PCSK7: variants seen among roughly 807,000 people sequenced by gnomAD.
PCSK7 encodes the protein lymphoma proprotein convertase.
PCSK7 carries 38 observed loss-of-function variants against 73.3 expected under a neutral mutation model. The ratio of observed to expected loss-of-function variants is 0.52; its 90% CI spans 0.40 to 0.68. PCSK7 has a LOEUF of 0.68. Among genes scored for constraint, PCSK7 ranks in the 30% least tolerant of loss-of-function variants. The pLI, the probability that PCSK7 is intolerant of heterozygous loss-of-function variation, is 0.00. For missense variants in PCSK7, 692 were observed against 991.5 expected, an observed-to-expected ratio of 0.70 and a Z score of 4.06; for synonymous variants, 296 against 383.8, an observed-to-expected ratio of 0.77 and a Z score of 2.68.
At chr11:117,212,935 C>G (rs1340463236) in intron 12 of PCSK7, 1 of 152,208 alleles carries the variant, frequency 6.6e-6, no homozygotes, top group African/African-American at 2.4e-5. Context: ...AGGCTGGTCT[C>G]GAACTCATGA....
At chr11:117,223,363 G>A in intron 8 of PCSK7, 55 bp from the exon 9 acceptor site, 1 of 1,084,128 alleles carries the variant, frequency 9.2e-7, no homozygotes, top group Non-Finnish European at 1.4e-6. Flanking sequence ...CCTGTGGCAG[G>A]GGCTTGCTAA....
Position 117,223,190 on chromosome 11 carries a change from G to A in PCSK7, c.1155+18C>T, listed in dbSNP as rs2032273118. The A allele has an allele frequency of 6.8e-7, 1 of 1,480,694 alleles. No homozygotes were observed. Among genetic ancestry groups the A allele is most frequent in the Non-Finnish European group, 9.4e-7 (1 of 1,058,564 alleles). The allele number at this position is 1,480,694 out of a possible 1,614,324, so 91.7% of individuals were successfully genotyped here. On this transcript the variant is annotated intron_variant, in intron 9 of 16. Transcript: ENST00000320934. ...TGTGGGAAAGGGGCAGGCCGTGGAG[G>A]GCCCGGGAGGCACTCACAATGCTCC... is the stretch of plus-strand genomic sequence containing the variant.
chr11:117,224,814 A>G, intron 6 of PCSK7, 59 bp from the exon 7 acceptor site: 3 of 1,265,576 alleles, frequency 2.4e-6, no homozygotes. Flanking sequence ...CTACCCACCC[A>G]GCGCCTCCCA....
intron 3 of PCSK7, 28 bp downstream of exon 3, chr11:117,229,349 A>T (rs1191097654): frequency 1.5e-5 from 23 of 1,560,186 alleles, no homozygotes; most frequent in Non-Finnish European, 2.0e-5. Context: ...TACCCACCTG[A>T]AACTGCAAAC....
In PCSK7 at chr11:117,223,284, A is replaced by G; in HGVS notation, c.1079T>C (p.Met360Thr). 6.2e-7 allele frequency: 1 copy of G among 1,612,468 alleles called. No homozygotes were observed. Among genetic ancestry groups the G allele is most frequent in the South Asian group, 1.1e-5 (1 of 91,056 alleles). The change falls in exon 9 of 17, where the codon ATG (methionine) becomes ACG (threonine). Residue 360 changes from methionine to threonine, a missense_variant. By Grantham distance (81) the Met-to-Thr change is moderately conservative. Transcript: ENST00000320934. Reference sequence around the variant, plus strand: ...GGCACATTCTTCTGCATAGAAAGGCATGCGTCCCTCCTCATCCACAGCTCC... The same window carrying G: ...GGCACATTCTTCTGCATAGAAAGGCGTGCGTCCCTCCTCATCCACAGCTCC... Reference protein sequence around the residue: ...TIGAVDEEGRMPFYAEECASM... With the variant: ...TIGAVDEEGRTPFYAEECASM...
intron 12 of PCSK7, 154 bp from the exon 13 acceptor site, chr11:117,209,207 G>A (rs2134285232): frequency 1.8e-6 from 1 of 566,330 alleles, no homozygotes; most frequent in Non-Finnish European, 3.1e-6. Flanking sequence ...AAATGGAATG[G>A]AGCTGCTGCT....
rs2239010 is a variant in PCSK7 at position 117,218,290 on chromosome 11, G to C, written c.1534+176C>G. 81,480 of 367,158 alleles carry C rather than the reference G, an allele frequency of 0.22. 11,292 individuals carry two copies. The highest frequency in any genetic ancestry group is 0.42 in the African/African-American group (19,519 of 46,636). The allele number at this position is 367,158 out of a possible 1,614,324, so 22.7% of individuals were successfully genotyped here. A position where few individuals can be genotyped will look rare whatever the true frequency, so the allele number is the denominator to read the frequency against. On this transcript the variant is annotated intron_variant, in intron 12 of 16. Coordinates refer to ENST00000320934, the MANE Select transcript of PCSK7 (RefSeq NM_004716.4). This position sits in a 1 kb window ranked among gnomAD's most constrained non-coding sequence, Gnocchi z 4.0. ...AAAGGTCTTGTTTAAGCAGCTGGGGGAGCCAACTCAGAAGCAGTAACATGT... is the reference window on the plus strand; with the variant it reads ...AAAGGTCTTGTTTAAGCAGCTGGGGCAGCCAACTCAGAAGCAGTAACATGT...
In PCSK7 at chr11:117,223,381, T is replaced by C. The variant is rs2032282938; in HGVS notation, c.1055-73A>G. The C allele has an allele frequency of 9.8e-5, 89 of 908,904 alleles. 1 individual carries two copies. The South Asian group carries it at 1.2e-3, about 12-fold the overall frequency. 56.3% of individuals were successfully genotyped at this position (908,904 alleles called of 1,614,324 possible). Reference sequence around the variant, plus strand: ...GTGGCAGGGGCTTGCTAATGTCAGTTATCTTGGAGTTACCATCCTGGGGGG... The same window carrying C: ...GTGGCAGGGGCTTGCTAATGTCAGTCATCTTGGAGTTACCATCCTGGGGGG... On this transcript the variant is annotated intron_variant, in intron 8 of 16. Coordinates refer to ENST00000320934, the MANE Select transcript of PCSK7 (RefSeq NM_004716.4).
intron 6 of PCSK7, chr11:117,225,593 A>G: frequency 3.0e-6 from 1 of 329,636 alleles, no homozygotes; most frequent in Non-Finnish European, 5.8e-6. Context: ...GGTGCAGTGC[A>G]TTGGCGTGGG....
intron 9 of PCSK7, chr11:117,219,960 A>T: frequency 4.5e-6 from 2 of 445,222 alleles, no homozygotes; most frequent in East Asian, 3.8e-5. Flanking sequence ...AATATTTTTT[A>T]AAAAAGAAGC....
chr11:117,218,268 G>A lies in PCSK7; in HGVS notation c.1534+198C>T, dbSNP rs75437170. On this transcript the variant is annotated intron_variant, in intron 12 of 16. Coordinates refer to ENST00000320934, the MANE Select transcript of PCSK7 (RefSeq NM_004716.4). The surrounding 1 kb of genome is among the most constrained non-coding windows in gnomAD (Gnocchi z 4.0). ...TTCACTACTAGGAACCCAGGAGAAA[G>A]GTCTTGTTTAAGCAGCTGGGGGAGC... 1,494 of 265,000 alleles carry A rather than the reference G, an allele frequency of 5.6e-3. 26 individuals are homozygous for A. Among genetic ancestry groups the A allele is most frequent in the African/African-American group, 0.032 (1,395 of 44,096 alleles). The allele number at this position is 265,000 out of a possible 1,614,324, so 16.4% of individuals were successfully genotyped here.
In PCSK7 at chr11:117,204,757, A is replaced by C; in HGVS notation, c.*1240T>G. 2.9e-5 allele frequency: 7 copies of C among 240,140 alleles called. No homozygotes were observed. The highest frequency in any genetic ancestry group is 5.1e-5 in the Admixed American group (1 of 19,576). The allele number at this position is 240,140 out of a possible 1,614,324, so 14.9% of individuals were successfully genotyped here. A position where few individuals can be genotyped will look rare whatever the true frequency, so the allele number is the denominator to read the frequency against. On this transcript the variant is annotated 3_prime_UTR_variant, in exon 17 of 17. Transcript: ENST00000320934. ...GTCCTGGAATATTTTTGGGGTTGGA[A>C]CTCAAAAAAAAAAAAAAAAAATCAA...
Position 117,208,885 on chromosome 11 carries a change from G to A in PCSK7, c.1691+12C>T, listed in dbSNP as rs371182759. The A allele has an allele frequency of 3.7e-4, 596 of 1,607,524 alleles. 1 individual carries two copies. The highest frequency in any genetic ancestry group is 4.1e-4 in the Non-Finnish European group (485 of 1,177,102). ...TGAAAAGGTTGCTCAGGCCTCGGGCGGGTGTACATACGAGTCCATGCTGCG... is the reference window on the plus strand; with the variant it reads ...TGAAAAGGTTGCTCAGGCCTCGGGCAGGTGTACATACGAGTCCATGCTGCG... On this transcript the variant is annotated intron_variant, in intron 13 of 16. Coordinates refer to ENST00000320934, the MANE Select transcript of PCSK7 (RefSeq NM_004716.4).
intron 13 of PCSK7, chr11:117,208,535 A>C (rs372033231): frequency 2.7e-5 from 8 of 291,802 alleles, no homozygotes; most frequent in South Asian, 2.7e-4. Context: ...TTTTTTGTAG[A>C]GACAGGGTCT....
chr11:117,215,085 C>A (rs183682268), intron 12 of PCSK7: 24 of 152,258 alleles, frequency 1.6e-4, no homozygotes, highest in African/African-American at 5.8e-4. Context: ...AGAGAAAAAT[C>A]AGTCTTGCTC....
chr11:117,210,093 A>C (rs1591789379), intron 12 of PCSK7: 1 of 152,320 alleles, frequency 6.6e-6, no homozygotes. Context: ...ACACACGCGC[A>C]TACACAAATA....
In PCSK7 at chr11:117,218,611, T is replaced by C; in HGVS notation, c.1432-43A>G. 9.4e-7 allele frequency: 1 copy of C among 1,059,828 alleles called. No homozygotes were observed. The highest frequency in any genetic ancestry group is 1.4e-6 in the Non-Finnish European group (1 of 698,464). The allele number at this position is 1,059,828 out of a possible 1,614,324, so 65.7% of individuals were successfully genotyped here. On this transcript the variant is annotated intron_variant, in intron 11 of 16. Transcript: ENST00000320934. The surrounding 1 kb of genome is among the most constrained non-coding windows in gnomAD (Gnocchi z 4.0). ...GGGATGGCAAATCAACAAACAAGAATGATCACACCCACATTCTCACAAACA... is the reference window on the plus strand; with the variant it reads ...GGGATGGCAAATCAACAAACAAGAACGATCACACCCACATTCTCACAAACA...
At chr11:117,225,706 G>C (rs1236995726) in intron 6 of PCSK7, 3 of 593,024 alleles carry the variant, frequency 5.1e-6, no homozygotes, top group Non-Finnish European at 9.0e-6. Context: ...AATGTGCACA[G>C]GCCAGGGCTT....
At position 117,206,188 on chromosome 11, in the gene PCSK7, C is replaced by T. The variant is rs1318099618; in HGVS notation, c.2167G>A (p.Val723Met). Reference protein sequence around the residue: ...AKEEGTELESVPLCSSKDPDE... With the variant: ...AKEEGTELESMPLCSSKDPDE... ...GGATCCTTGCTGCTGCAAAGTGGCACTGATTCTAGCTCTGTCCCTTCCTCC... is the reference window on the plus strand; with the variant it reads ...GGATCCTTGCTGCTGCAAAGTGGCATTGATTCTAGCTCTGTCCCTTCCTCC... Residue 723 changes from valine (V) to methionine (M), a missense_variant, in exon 17 of 17, where the codon GTG (valine) becomes ATG (methionine). Physicochemically the swap from Val to Met is conservative, Grantham distance 21. This residue lies in a region of PCSK7 where 78 missense variants were observed against 102.6 expected (regional missense o/e 0.76). Transcript: ENST00000320934. 6.2e-7 allele frequency: 1 copy of T among 1,614,100 alleles called. No homozygotes were observed. Among genetic ancestry groups the T allele is most frequent in the South Asian group, 1.1e-5 (1 of 91,078 alleles).
Sources: allele counts gnomAD v4.1 joint callset, GRCh38; gene constraint gnomAD v4.1.1; regional missense constraint gnomAD v4.1.1; non-coding constraint Gnocchi (gnomAD v3.1); transcripts MANE v1.5; gene names NCBI Gene and HGNC (gene_info 2026-07-23, HGNC 2026-07-21).